The following GPR89A variants were observed in gnomAD, a reference collection of about 807,000 sequenced individuals.
GPR89A encodes G protein-coupled receptor 89A.
Under a neutral mutation model 52.0 loss-of-function variants are expected in GPR89A, and 16 were observed. The observed-to-expected ratio is 0.31, with a 90% CI of 0.21 to 0.47. The LOEUF (loss-of-function observed/expected upper bound fraction) is 0.47. GPR89A is among the 20% of genes least tolerant of loss of function. The pLI is 1.00. For synonymous variants in GPR89A, 55 were observed against 150.9 expected (o/e 0.36, Z 4.66); for missense variants, 135 against 449.4 (o/e 0.30, Z 6.33).
intron 3 of GPR89A, among the ~76,000 whole-genome samples, chr1:145,620,026 TAAATA>T (rs1255670520): frequency 1.4e-5 from 2 of 141,080 alleles, no homozygotes; most frequent in African/African-American, 6.4e-5. Flanking sequence ...AAAAAATAAA[TAAATA>T]AAAAATAATC....
intron 10 of GPR89A, among the ~76,000 whole-genome samples, chr1:145,654,497 G>C (rs1395932145): frequency 2.8e-5 from 4 of 140,736 alleles, no homozygotes; most frequent in African/African-American, 1.1e-4. Flanking sequence ...AGGTTGCAGT[G>C]AGCCGAGACT....
At position 145,670,138 on chromosome 1, in the gene GPR89A, AC is replaced by A. The variant is rs1652889982; in HGVS notation, c.*99del. On this transcript the variant is annotated 3_prime_UTR_variant, in exon 14 of 14. Coordinates refer to ENST00000313835, the MANE Select transcript of GPR89A (RefSeq NM_001097612.2). ...CCAGGGCCTGACATTTTATAAACAAACAAAATGCTATGGTAGCATTTTTCAC... is the reference window on the plus strand; with the variant it reads ...CCAGGGCCTGACATTTTATAAACAAAAAAATGCTATGGTAGCATTTTTCAC... 6.6e-7 allele frequency: 1 copy of A among 1,522,430 alleles called. No individual in the cohort carries two copies. Among genetic ancestry groups the A allele is most frequent in the African/African-American group, 1.4e-5 (1 of 72,212 alleles). The allele number at this position is 1,522,430 out of a possible 1,614,324, so 94.3% of individuals were successfully genotyped here.
At chr1:145,646,881 G>A (rs1482967211) in intron 9 of GPR89A, 2 of 366,658 alleles carry the variant, frequency 5.5e-6, no homozygotes, top group Non-Finnish European at 1.0e-5. Flanking sequence ...GCAAGTTATC[G>A]AACCTCTCAA....
intron 12 of GPR89A, among the ~76,000 whole-genome samples, chr1:145,668,482 G>A: frequency 6.6e-6 from 1 of 152,250 alleles, no homozygotes; most frequent in South Asian, 2.1e-4. Flanking sequence ...CTGAGACGAT[G>A]GGGTTTTCTA....
At chr1:145,637,621 A>G (rs1190632383) in intron 7 of GPR89A, among the ~76,000 whole-genome samples, 2 of 149,956 alleles carry the variant, frequency 1.3e-5, no homozygotes, top group African/African-American at 4.9e-5. Context: ...TTCAAGATAA[A>G]AAGCAGCCAA....
chr1:145,656,901 G>T (rs587640134), intron 10 of GPR89A, among the ~76,000 whole-genome samples: 1 of 151,936 alleles, frequency 6.6e-6, no homozygotes, highest in South Asian at 2.1e-4. Context: ...TCATGAAAAG[G>T]TGTTGGATTT....
chr1:145,643,252 G>T (rs1244199460), intron 7 of GPR89A, among the ~76,000 whole-genome samples: 4 of 151,666 alleles, frequency 2.6e-5, no homozygotes, highest in Non-Finnish European at 5.9e-5. Context: ...TGCAACCTCT[G>T]CCTCCTAGGT....
At chr1:145,662,382 T>C (rs1291018585) in intron 10 of GPR89A, among the ~76,000 whole-genome samples, 1 of 152,100 alleles carries the variant, frequency 6.6e-6, no homozygotes, top group African/African-American at 2.4e-5. Flanking sequence ...GAAATCTACT[T>C]TGTCCGACAT....
intron 7 of GPR89A, among the ~76,000 whole-genome samples, chr1:145,638,825 CA>C (rs1650423299): frequency 8.0e-6 from 1 of 124,816 alleles, no homozygotes; most frequent in Non-Finnish European, 1.6e-5. Flanking sequence ...ACCAAATGAA[CA>C]TACAAAAATC....
chr1:145,668,129 T>G (rs373059848), intron 12 of GPR89A, among the ~76,000 whole-genome samples: 1,910 of 143,436 alleles, frequency 0.013, no homozygotes, highest in Non-Finnish European at 0.016. Flanking sequence ...TAGCTTGATG[T>G]GGATGGCATT....
intron 10 of GPR89A, among the ~76,000 whole-genome samples, chr1:145,648,018 T>C (rs1401918382): frequency 1.4e-5 from 2 of 142,594 alleles, no homozygotes; most frequent in Non-Finnish European, 3.0e-5. Context: ...TTACTTGTCC[T>C]TTTTAATTAT....
At position 145,616,228 on chromosome 1, in the gene GPR89A, C is replaced by T; in HGVS notation, c.43-6C>T. On this transcript the variant is annotated splice_region_variant and splice_polypyrimidine_tract_variant and intron_variant, in intron 1 of 13. Coordinates refer to ENST00000313835, the MANE Select transcript of GPR89A (RefSeq NM_001097612.2). ...GTATTGACATTCTATTTTCTTTCTC[C>T]TCCAGATACTATTTTTTGGATTTGG... The T allele has an allele frequency of 6.2e-7, 1 of 1,608,604 alleles. No homozygotes were observed. Among genetic ancestry groups the T allele is most frequent in the Non-Finnish European group, 8.5e-7 (1 of 1,176,304 alleles).
chr1:145,628,864 A>C lies in GPR89A; in HGVS notation c.416-1823A>C, dbSNP rs144437492. Among the ~76,000 whole-genome samples, 1,215 of 152,288 alleles carry C rather than the reference A, an allele frequency of 8.0e-3. 2 individuals carry two copies. The highest frequency in any genetic ancestry group is 0.027 in the African/African-American group (1,138 of 41,526). The stretch of plus-strand genomic sequence containing the variant: ...TAAGAAGCCTGGCTATTAAGGAGGA[A>C]ATAGATGGGGGTTGGTAACTAGACG... On this transcript the variant is annotated intron_variant, in intron 5 of 13. Coordinates refer to ENST00000313835, the MANE Select transcript of GPR89A (RefSeq NM_001097612.2).
chr1:145,670,247 A>G lies in GPR89A; in HGVS notation c.*207A>G. On this transcript the variant is annotated 3_prime_UTR_variant, in exon 14 of 14. Coordinates refer to ENST00000313835, the MANE Select transcript of GPR89A (RefSeq NM_001097612.2). ...AGAACATGAGAGGGAGAACTAACTC[A>G]AGACAATACTCAGCAGAGAGCATCC... 7.8e-7 allele frequency: 1 copy of G among 1,285,302 alleles called. No individual in the cohort carries two copies. The highest frequency in any genetic ancestry group is 2.5e-5 in the East Asian group (1 of 39,452). 79.6% of individuals were successfully genotyped at this position (1,285,302 alleles called of 1,614,324 possible). A position where few individuals can be genotyped will look rare whatever the true frequency, so the allele number is the denominator to read the frequency against.
intron 10 of GPR89A, among the ~76,000 whole-genome samples, chr1:145,655,173 T>C (rs1553694302): frequency 6.6e-6 from 1 of 151,648 alleles, no homozygotes; most frequent in Non-Finnish European, 1.5e-5. Flanking sequence ...TTAAACGGGT[T>C]ATTCTGGTTA....
rs142517483 is a variant in GPR89A at position 145,616,218 on chromosome 1, T to G, written c.43-16T>G. On this transcript the variant is annotated splice_polypyrimidine_tract_variant and intron_variant, in intron 1 of 13. Transcript: ENST00000313835. ...AAGAAAATATGTATTGACATTCTAT[T>G]TTCTTTCTCCTCCAGATACTATTTT... 14 of 1,606,068 alleles carry G rather than the reference T, an allele frequency of 8.7e-6. No individual in the cohort carries two copies. The highest frequency in any genetic ancestry group is 1.7e-5 in the Admixed American group (1 of 59,542).
intron 1 of GPR89A, among the ~76,000 whole-genome samples, chr1:145,614,777 G>A (rs1648544526): frequency 6.6e-6 from 1 of 152,166 alleles, no homozygotes; most frequent in Non-Finnish European, 1.5e-5. Context: ...GGCCTTCCAG[G>A]GGGAGTAAAT....
chr1:145,617,183 C>A (rs1265988840), intron 2 of GPR89A, among the ~76,000 whole-genome samples: 4 of 152,232 alleles, frequency 2.6e-5, no homozygotes, highest in Non-Finnish European at 4.4e-5. Flanking sequence ...AGACCTCTCT[C>A]CCAGAATGCA....
intron 1 of GPR89A, among the ~76,000 whole-genome samples, chr1:145,615,198 C>T (rs1165597093): frequency 6.6e-6 from 1 of 152,088 alleles, no homozygotes; most frequent in Non-Finnish European, 1.5e-5. Flanking sequence ...AGATGAAAAC[C>T]ACTTTTATGT....
Sources: allele counts gnomAD v4.1 joint callset (sites outside exome capture counted in the v4.1 genomes callset), GRCh38; gene constraint gnomAD v4.1.1; transcripts MANE v1.5; gene names NCBI Gene and HGNC (gene_info 2026-07-23, HGNC 2026-07-21).